The following LIMCH1 variants were observed in gnomAD, a reference collection of about 807,000 sequenced individuals.
The protein encoded by LIMCH1 is LIM and calponin homology domains-containing protein 1.
LIMCH1 carries 113 observed loss-of-function variants against 176.5 expected under a neutral mutation model. The observed-to-expected ratio is 0.64, with a 90% confidence interval of 0.55 to 0.75. The LOEUF is 0.75. Among genes scored for constraint, LIMCH1 ranks in the 30% least tolerant of loss-of-function variants. LIMCH1 has a pLI of 0.00. For missense variants in LIMCH1, 1,674 were observed against 1,814.9 expected, an observed-to-expected ratio of 0.92 and a Z score of 1.41; for synonymous variants, 619 against 645.9, an observed-to-expected ratio of 0.96 and a Z score of 0.63.
In LIMCH1 at chr4:41,506,773, A is replaced by G. The variant is rs1396661766; in HGVS notation, c.167+12167A>G. 2.0e-5 allele frequency among the ~76,000 whole-genome samples: 3 copies of G among 152,164 alleles called. No homozygotes were observed. In the East Asian group the frequency reaches 5.8e-4, roughly 29 times the overall value. On this transcript the variant is annotated intron_variant, in intron 2 of 26. Coordinates refer to the LIMCH1 transcript ENST00000313860. ...TTTTTTCTTTCTTTATACTTTCATA[A>G]CACTCTGGTCACAAAAATGTGTGGT... is the stretch of plus-strand genomic sequence containing the variant.
chr4:41,416,060 C>T (rs1459453707), intron 1 of LIMCH1, among the ~76,000 whole-genome samples: 3 of 151,880 alleles, frequency 2.0e-5, no homozygotes, highest in Non-Finnish European at 2.9e-5. Flanking sequence ...CAGGCTGGCG[C>T]TGAGTACTGA....
chr4:41,568,999 AT>A (rs1371692718), intron 1 of LIMCH1, among the ~76,000 whole-genome samples: 3 of 151,222 alleles, frequency 2.0e-5, no homozygotes, highest in Non-Finnish European at 4.4e-5. Context: ...GTCTCATATA[AT>A]TAAAAAAAAC....
At chr4:41,483,157 A>G (rs1053412092) in intron 1 of LIMCH1, among the ~76,000 whole-genome samples, 2 of 152,106 alleles carry the variant, frequency 1.3e-5, no homozygotes, top group Admixed American at 6.5e-5. Context: ...CAAAGGCAGG[A>G]CCTAGGGATG....
intron 1 of LIMCH1, among the ~76,000 whole-genome samples, chr4:41,410,355 C>G (rs1481743880): frequency 6.6e-6 from 1 of 152,190 alleles, no homozygotes; most frequent in African/African-American, 2.4e-5. Flanking sequence ...TCTTCACATT[C>G]TCCAGTATAG....
intron 20 of LIMCH1, among the ~76,000 whole-genome samples, chr4:41,664,746 C>G (rs975871025): frequency 8.5e-5 from 13 of 152,318 alleles, no homozygotes; most frequent in African/African-American, 2.4e-4. Context: ...TCTGTGGAAC[C>G]TCATCTTGGA....
chr4:41,626,568 T>C (rs2152845910), intron 7 of LIMCH1, 140 bp from the exon 8 acceptor site: 1 of 731,748 alleles, frequency 1.4e-6, no homozygotes, highest in East Asian at 2.7e-5. Flanking sequence ...AATTCTAGAC[T>C]GAAATAATGA....
At chr4:41,588,135 TC>T (rs1258055888) in intron 1 of LIMCH1, among the ~76,000 whole-genome samples, 8 of 152,076 alleles carry the variant, frequency 5.3e-5, no homozygotes, top group South Asian at 2.1e-4. Flanking sequence ...CCTTCCTGTG[TC>T]CATGTGTTCT....
chr4:41,698,839 C>T lies in LIMCH1; in HGVS notation c.*1654C>T, dbSNP rs1308642016. ...TTAGATTGAAATCTACACATCATTTCATTAAAAATTGTGCCTTAGAAAACG... is the reference window on the plus strand; with the variant it reads ...TTAGATTGAAATCTACACATCATTTTATTAAAAATTGTGCCTTAGAAAACG... On this transcript the variant is annotated 3_prime_UTR_variant, in exon 32 of 32. Transcript: ENST00000503057. 1 of 152,596 alleles carries T rather than the reference C, an allele frequency of 6.6e-6. No individual in the cohort carries two copies. The highest frequency in any genetic ancestry group is 1.5e-5 in the Non-Finnish European group (1 of 68,038). The allele number at this position is 152,596 out of a possible 1,614,324, so 9.5% of individuals were successfully genotyped here. A position where few individuals can be genotyped will look rare whatever the true frequency, so the allele number is the denominator to read the frequency against.
In LIMCH1 at chr4:41,633,623, G is replaced by A; in HGVS notation, c.1905G>A (p.Trp635Ter). Residue 635 changes from tryptophan to a stop codon, truncating the protein, a stop_gained, in exon 13 of 32, where the codon TGG becomes TGA. Transcript: ENST00000503057. LOFTEE classifies it high-confidence loss of function. ...EKLEKMTAPAWSGSGLKGQRK... is the reference protein window; with the variant it reads ...EKLEKMTAPA Reference sequence around the variant, plus strand: ...TGGAGAAGATGACAGCTCCTGCCTGGAGTGGCAGTGGACTGAAAGGCCAGC... The same window carrying A: ...TGGAGAAGATGACAGCTCCTGCCTGAAGTGGCAGTGGACTGAAAGGCCAGC... The A allele has an allele frequency of 1.3e-6, 2 of 1,536,174 alleles. No homozygotes were observed. Among genetic ancestry groups the A allele is most frequent in the Non-Finnish European group, 1.7e-6 (2 of 1,146,922 alleles).
intron 14 of LIMCH1, 152 bp downstream of exon 14, chr4:41,639,119 A>G: frequency 3.2e-6 from 2 of 619,060 alleles, no homozygotes; most frequent in Admixed American, 3.3e-5. Flanking sequence ...AATGCAGAGC[A>G]TACATTCTGT....
upstream of LIMCH1, among the ~76,000 whole-genome samples, chr4:41,360,469 C>T (rs2154089750): frequency 6.6e-6 from 1 of 152,234 alleles, no homozygotes; most frequent in Admixed American, 6.5e-5. The surrounding 1 kb of genome is among the most constrained non-coding windows in gnomAD (Gnocchi z 4.5). Context: ...AGCGGATTCC[C>T]TCTATCGGGC....
intron 1 of LIMCH1, among the ~76,000 whole-genome samples, chr4:41,547,859 GTGTGTATA>G (rs1238832615): frequency 8.6e-5 from 6 of 69,444 alleles, no homozygotes; most frequent in African/African-American, 4.1e-4. Context: ...TAATTTGTGT[GTGTGTATA>G]TATATATATA....
At chr4:41,541,067 C>G (rs553176619) in intron 1 of LIMCH1, among the ~76,000 whole-genome samples, 1 of 152,124 alleles carries the variant, frequency 6.6e-6, no homozygotes, top group Non-Finnish European at 1.5e-5. Context: ...TGAAGTCTAA[C>G]TGTACAGCAG....
chr4:41,498,047 A>C (rs1168488619), intron 2 of LIMCH1, among the ~76,000 whole-genome samples: 1 of 152,156 alleles, frequency 6.6e-6, no homozygotes, highest in African/African-American at 2.4e-5. Context: ...TGGTCTTAGA[A>C]AAATGTAAGC....
At chr4:41,535,836 G>A (rs910760777), upstream of LIMCH1, among the ~76,000 whole-genome samples, 1 of 152,154 alleles carries the variant, frequency 6.6e-6, no homozygotes, top group African/African-American at 2.4e-5. Context: ...TGCAGAGGTG[G>A]AAGGTTATAT....
In LIMCH1 at chr4:41,631,491, T is replaced by C. The variant is rs1168057975; in HGVS notation, c.1601+14T>C. The C allele has an allele frequency of 6.7e-7, 1 of 1,493,728 alleles. No homozygotes were observed. Among genetic ancestry groups the C allele is most frequent in the Non-Finnish European group, 8.9e-7 (1 of 1,126,552 alleles). The allele number at this position is 1,493,728 out of a possible 1,614,324, so 92.5% of individuals were successfully genotyped here. On this transcript the variant is annotated intron_variant, in intron 10 of 31. Transcript: ENST00000503057. Reference sequence around the variant, plus strand: ...AAATGACTGCAGGTATTTTTTGCCATACGTGTGCAAGGATATCTGCATGGG... The same window carrying C: ...AAATGACTGCAGGTATTTTTTGCCACACGTGTGCAAGGATATCTGCATGGG...
rs919406012 is a variant in LIMCH1 at position 41,623,234 on chromosome 4, C to T, written c.725+2544C>T. Reference sequence around the variant, plus strand: ...ATCATTGAAATACGCTGATATCTCTCGAGGCATTTTAACCTCAGTGTTCTG... The same window carrying T: ...ATCATTGAAATACGCTGATATCTCTTGAGGCATTTTAACCTCAGTGTTCTG... On this transcript the variant is annotated intron_variant, in intron 7 of 31. Transcript: ENST00000503057. Among the ~76,000 whole-genome samples, 61 of 152,150 alleles carry T rather than the reference C, an allele frequency of 4.0e-4. 1 individual carries two copies. The highest frequency in any genetic ancestry group is 3.9e-3 in the Admixed American group (59 of 15,264).
rs995720747 is a variant in LIMCH1, at chr4:41,633,561, G to A, written c.1843G>A (p.Ala615Thr). ...ATGTTGCCCTAGGGTGTGTCCTCTG[G>A]CCTCTGAGTGTGAGGCTTCAGGGAC... ...DSSQPLVCPL[A>T]SECEASGTEE... is the part of the protein sequence containing the mutation. Residue 615 changes from alanine to threonine, a missense_variant, in exon 13 of 32, where the codon GCC becomes ACC. By Grantham distance (58) the Ala-to-Thr change is moderately conservative. Around this residue, in one of 3 missense-constraint regions of LIMCH1, gnomAD observed 1,015 missense variants for 1,102.5 expected, o/e 0.92. Transcript: ENST00000503057. 7.2e-6 allele frequency: 11 copies of A among 1,535,998 alleles called. No individual in the cohort carries two copies. The highest frequency in any genetic ancestry group is 9.6e-6 in the Non-Finnish European group (11 of 1,146,934).
rs373924743 is a variant in LIMCH1, at chr4:41,369,104, T to C, written c.96+8168T>C. Among the ~76,000 whole-genome samples, 125 of 152,300 alleles carry C rather than the reference T, an allele frequency of 8.2e-4. 1 individual carries two copies. The highest frequency in any genetic ancestry group is 2.7e-3 in the African/African-American group (112 of 41,572). On this transcript the variant is annotated intron_variant, in intron 1 of 26. Coordinates refer to the LIMCH1 transcript ENST00000313860. ...ATAAACTACTAAAGCCAGGTGCCCT[T>C]TGGGATCCTCATAAATTGTAAACCC...
Sources: gnomAD v4.1 joint callset for allele counts (sites outside exome capture counted in the v4.1 genomes callset) on GRCh38, gnomAD v4.1.1 for gene constraint, gnomAD v4.1.1 regional missense constraint, Gnocchi (gnomAD v3.1) non-coding constraint, MANE v1.5 for transcripts, NCBI Gene and HGNC (gene_info 2026-07-23, HGNC 2026-07-21) for gene names.